The following LRRC7 variants were observed in gnomAD, a reference collection of about 807,000 sequenced individuals.
The protein encoded by LRRC7 is leucine rich repeat containing 7.
Under a neutral mutation model 175.7 loss-of-function variants are expected in LRRC7, and 23 were observed. The observed-to-expected ratio is 0.13, with a 90% CI of 0.09 to 0.19. The LOEUF (loss-of-function observed/expected upper bound fraction) is 0.19, where lower values mean the gene tolerates loss of function less well. LRRC7 is among the 10% of genes least tolerant of loss of function. The pLI, the probability that LRRC7 is intolerant of heterozygous loss-of-function variation, is 1.00. For missense variants in LRRC7, 1,354 were observed against 1,904.7 expected, an observed-to-expected ratio of 0.71 and a Z score of 5.38; for synonymous variants, 685 against 680.9, an observed-to-expected ratio of 1.01 and a Z score of -0.09.
intron 7 of LRRC7, among the ~76,000 whole-genome samples, chr1:69,929,298 C>T (rs1451808845): frequency 6.6e-6 from 1 of 152,134 alleles, no homozygotes; most frequent in Admixed American, 6.5e-5. Context: ...CTTGTTTATG[C>T]AACTGAATGA....
chr1:69,599,541 C>G (rs1239088494), intron 1 of LRRC7, among the ~76,000 whole-genome samples: 1 of 152,126 alleles, frequency 6.6e-6, no homozygotes, highest in African/African-American at 2.4e-5. Flanking sequence ...ATTATATATG[C>G]TTTAGAAAAT....
rs112514325 is a variant in LRRC7, at chr1:70,136,055, G to C, written c.*14168G>C. On this transcript the variant is annotated 3_prime_UTR_variant, in exon 27 of 27. Coordinates refer to ENST00000651989, the MANE Select transcript of LRRC7 (RefSeq NM_001370785.2). ...TGGGAATTAATATCTCTCTCTCTCTGTGTGTGTCTGTGTGTGTGTCTGTGT... is the reference window on the plus strand; with the variant it reads ...TGGGAATTAATATCTCTCTCTCTCTCTGTGTGTCTGTGTGTGTGTCTGTGT... 0.055 allele frequency among the ~76,000 whole-genome samples: 5,210 copies of C among 94,142 alleles called. 146 individuals carry two copies. Among genetic ancestry groups the C allele is most frequent in the Admixed American group, 0.16 (1,379 of 8,734 alleles). The allele number at this position is 94,142 out of a possible 152,430, so 61.8% of individuals were successfully genotyped here.
intron 25 of LRRC7, among the ~76,000 whole-genome samples, chr1:70,096,860 C>A (rs190458804): frequency 6.6e-6 from 1 of 152,132 alleles, no homozygotes; most frequent in African/African-American, 2.4e-5. Flanking sequence ...GCCAAAGAGA[C>A]GAAGAGAGAA....
At chr1:69,846,723 G>A (rs1682411070) in intron 7 of LRRC7, among the ~76,000 whole-genome samples, 1 of 151,848 alleles carries the variant, frequency 6.6e-6, no homozygotes, top group Non-Finnish European at 1.5e-5. Context: ...TATATTTTGG[G>A]TAAGAGTTGA....
chr1:70,116,981 A>G (rs1471226002), intron 26 of LRRC7, among the ~76,000 whole-genome samples: 6 of 152,210 alleles, frequency 3.9e-5, no homozygotes, highest in Non-Finnish European at 8.8e-5. Flanking sequence ...TGGTCACTGC[A>G]TTATTTCATT....
At chr1:69,975,622 A>G (rs550747937) in intron 8 of LRRC7, among the ~76,000 whole-genome samples, 2 of 152,236 alleles carry the variant, frequency 1.3e-5, no homozygotes, top group Non-Finnish European at 2.9e-5. Context: ...TTCAATATGG[A>G]CCATTCTCCC....
intron 1 of LRRC7, among the ~76,000 whole-genome samples, chr1:69,665,540 C>T (rs546827695): frequency 1.0e-3 from 155 of 152,124 alleles, no homozygotes; most frequent in African/African-American, 3.5e-3. Context: ...TCTTTCACTT[C>T]TTGAGTTAAT....
intron 1 of LRRC7, among the ~76,000 whole-genome samples, chr1:69,665,817 C>A (rs227120): frequency 0.14 from 21,378 of 151,990 alleles, 1,731 homozygotes; most frequent in South Asian, 0.2. Context: ...CCCTTTATTT[C>A]TTTCTCTTAG....
At chr1:70,064,752 G>C (rs915293887) in intron 23 of LRRC7, among the ~76,000 whole-genome samples, 1 of 151,462 alleles carries the variant, frequency 6.6e-6, no homozygotes, top group East Asian at 1.9e-4. Context: ...GTTTTTATTG[G>C]TCTATGCAAA....
chr1:69,922,076 C>A (rs191093024), intron 7 of LRRC7, among the ~76,000 whole-genome samples: 2 of 149,406 alleles, frequency 1.3e-5, no homozygotes, highest in East Asian at 4.0e-4. Flanking sequence ...TAGGCACCTG[C>A]CATCATGCCT....
chr1:69,674,906 G>A (rs1438423543), intron 1 of LRRC7, among the ~76,000 whole-genome samples: 8 of 151,972 alleles, frequency 5.3e-5, no homozygotes, highest in Non-Finnish European at 1.0e-4. Flanking sequence ...TTTTATTTGT[G>A]ATAATCATTA....
At chr1:70,078,747 A>G (rs1294566340) in intron 24 of LRRC7, among the ~76,000 whole-genome samples, 12 of 151,910 alleles carry the variant, frequency 7.9e-5, no homozygotes, top group Non-Finnish European at 1.8e-4. Flanking sequence ...CACCAACAAC[A>G]TTCAAAAAGA....
rs74885669 is a variant in LRRC7, at chr1:70,022,296, A to G, written c.1546-830A>G. 6.6e-5 allele frequency: 10 copies of G among 152,272 alleles called. No individual in the cohort carries two copies. In the East Asian group the frequency reaches 1.9e-3, roughly 29 times the overall value. The allele number at this position is 152,272 out of a possible 1,614,324, so 9.4% of individuals were successfully genotyped here. On this transcript the variant is annotated intron_variant, in intron 16 of 26. Transcript: ENST00000651989. ...ATTTCAGTTCTTTTACGGATTTTGT[A>G]TGTTAAATCCAGAACCAATGGATGA...
chr1:69,933,499 G>T (rs17097465), intron 8 of LRRC7, among the ~76,000 whole-genome samples: 7,357 of 152,128 alleles, frequency 0.048, 217 homozygotes, highest in East Asian at 0.15. Flanking sequence ...AGACATGTAG[G>T]TCAGCCTAAT....
Position 69,568,389 on chromosome 1 carries a change from C to CGAG in LRRC7, c.-251_-250insGAG, listed in dbSNP as rs1438797437. 2 of 202,296 alleles carry CGAG rather than the reference C, an allele frequency of 9.9e-6. No individual in the cohort carries two copies. The highest frequency in any genetic ancestry group is 4.8e-5 in the African/African-American group (2 of 41,562). The allele number at this position is 202,296 out of a possible 1,614,324, so 12.5% of individuals were successfully genotyped here. A position where few individuals can be genotyped will look rare whatever the true frequency, so the allele number is the denominator to read the frequency against. Reference sequence around the variant, plus strand: ...CTCCCCCGCCGGCGCTTCGGGCTTCCCCTCAGCCGCTTCCCGCGGGAACCT... The same window carrying CGAG: ...CTCCCCCGCCGGCGCTTCGGGCTTCCGAGCCTCAGCCGCTTCCCGCGGGAACCT... On this transcript the variant is annotated 5_prime_UTR_variant, in exon 1 of 27. Coordinates refer to ENST00000651989, the MANE Select transcript of LRRC7 (RefSeq NM_001370785.2).
intron 1 of LRRC7, among the ~76,000 whole-genome samples, chr1:69,606,499 A>T (rs1428471379): frequency 6.6e-6 from 1 of 152,168 alleles, no homozygotes; most frequent in Non-Finnish European, 1.5e-5. Flanking sequence ...CCAAAAGCTG[A>T]TAATTAAAAT....
At chr1:69,948,561 C>T (rs944247008) in intron 8 of LRRC7, among the ~76,000 whole-genome samples, 2 of 152,130 alleles carry the variant, frequency 1.3e-5, no homozygotes, top group African/African-American at 4.8e-5. Flanking sequence ...CAAACAAGCA[C>T]ATATCATTTG....
At chr1:69,688,544 T>G (rs1340759) in intron 2 of LRRC7, among the ~76,000 whole-genome samples, 21,768 of 152,058 alleles carry the variant, frequency 0.14, 1,716 homozygotes, top group Middle Eastern at 0.2. Flanking sequence ...TGGGCTGGCA[T>G]CGATGTTCTG....
intron 8 of LRRC7, among the ~76,000 whole-genome samples, chr1:69,975,402 A>T (rs2101877127): frequency 6.6e-6 from 1 of 152,208 alleles, no homozygotes; most frequent in Non-Finnish European, 1.5e-5. Context: ...GAATCTCTAA[A>T]TTCTACCATA....
Sources: gnomAD v4.1 joint callset for allele counts (sites outside exome capture counted in the v4.1 genomes callset) on GRCh38, gnomAD v4.1.1 for gene constraint, MANE v1.5 for transcripts, NCBI Gene and HGNC (gene_info 2026-07-23, HGNC 2026-07-21) for gene names.